Variants in SORCS2 observed in about 807,000 individuals in gnomAD.
SORCS2 encodes the protein VPS10 domain-containing receptor SorCS2.
In SORCS2, 100 loss-of-function variants were observed where a neutral mutation model predicts 141.6. The observed-to-expected ratio is 0.71, with a 90% CI of 0.60 to 0.83. SORCS2 has a LOEUF of 0.83. Among genes scored for constraint, SORCS2 ranks in the 40% least tolerant of loss-of-function variants. The pLI is 0.00. For missense variants in SORCS2, 1,646 were observed against 1,560.2 expected (o/e 1.05, Z -0.93); for synonymous variants, 789 against 676.9 (o/e 1.17, Z -2.57).
At chr4:7,526,929 T>C (rs1733730765) in intron 2 of SORCS2, among the ~76,000 whole-genome samples, 1 of 152,254 alleles carries the variant, frequency 6.6e-6, no homozygotes, top group African/African-American at 2.4e-5. Context: ...ATAAACATTA[T>C]AATGAAATAT....
intron 1 of SORCS2, among the ~76,000 whole-genome samples, chr4:7,331,125 GA>G (rs1175290970): frequency 1.3e-5 from 2 of 152,126 alleles, no homozygotes; most frequent in Admixed American, 6.5e-5. Flanking sequence ...TGGGGGTGGG[GA>G]CAGGGTGGAG....
chr4:7,309,612 C>T (rs1718053881), intron 1 of SORCS2, among the ~76,000 whole-genome samples: 1 of 152,186 alleles, frequency 6.6e-6, no homozygotes, highest in African/African-American at 2.4e-5. Context: ...GAGGTATTTT[C>T]AGCTTTTTTA....
chr4:7,496,343 G>A (rs1293082728), intron 2 of SORCS2, among the ~76,000 whole-genome samples: 5 of 152,094 alleles, frequency 3.3e-5, no homozygotes, highest in South Asian at 2.1e-4. Context: ...GAGGATTCGC[G>A]CCTGGGTCTG....
At chr4:7,247,185 C>T (rs1713153745) in intron 1 of SORCS2, among the ~76,000 whole-genome samples, 3 of 152,126 alleles carry the variant, frequency 2.0e-5, no homozygotes, top group Non-Finnish European at 2.9e-5. Flanking sequence ...GGTAGGAGCA[C>T]GGGAGTGTGG....
chr4:7,280,123 C>G (rs1438835215), intron 1 of SORCS2, among the ~76,000 whole-genome samples: 1 of 152,122 alleles, frequency 6.6e-6, no homozygotes, highest in African/African-American at 2.4e-5. Flanking sequence ...GGTGGCATGA[C>G]TCATATTTCC....
At chr4:7,522,879 T>TTCCCTCCTCCCTCTTCTCTCC (rs36231941) in intron 2 of SORCS2, among the ~76,000 whole-genome samples, 4 of 9,692 alleles carry the variant, frequency 4.1e-4, no homozygotes, top group African/African-American at 1.1e-3. Flanking sequence ...TTCTCCCCTC[T>TTCCCTCCTCCCTCTTCTCTCC]TCCCTCCTCC....
chr4:7,688,379 A>G (rs189693936), intron 10 of SORCS2, among the ~76,000 whole-genome samples: 47 of 152,322 alleles, frequency 3.1e-4, no homozygotes, highest in African/African-American at 1.1e-3. Flanking sequence ...ACCCAGTTCT[A>G]GCGTACTTCT....
intron 2 of SORCS2, among the ~76,000 whole-genome samples, chr4:7,492,573 G>C (rs1731380976): frequency 6.6e-6 from 1 of 152,182 alleles, no homozygotes; most frequent in Admixed American, 6.5e-5. Context: ...CCAGCAGTGG[G>C]ATTGCTGCAT....
chr4:7,626,181 T>A (rs1185303121), intron 3 of SORCS2, among the ~76,000 whole-genome samples: 2 of 151,938 alleles, frequency 1.3e-5, no homozygotes, highest in African/African-American at 2.4e-5. Context: ...AATAAATAAA[T>A]AAAAGTATGA....
intron 2 of SORCS2, among the ~76,000 whole-genome samples, chr4:7,405,570 T>C (rs1043269997): frequency 6.6e-6 from 1 of 152,132 alleles, no homozygotes; most frequent in African/African-American, 2.4e-5. Context: ...ACTTCCTTGG[T>C]TAAATTTATT....
At chr4:7,736,078 A>C (rs1252237049) in intron 25 of SORCS2, among the ~76,000 whole-genome samples, 1 of 152,268 alleles carries the variant, frequency 6.6e-6, no homozygotes, top group Non-Finnish European at 1.5e-5. Flanking sequence ...ACAGCAGAGC[A>C]ACGCCCGTTT....
intron 3 of SORCS2, among the ~76,000 whole-genome samples, chr4:7,614,395 C>A (rs1370924579): frequency 6.6e-6 from 1 of 151,908 alleles, no homozygotes; most frequent in Non-Finnish European, 1.5e-5. Flanking sequence ...TTCCACCATC[C>A]ACCCATCAAT....
chr4:7,697,486 C>G (rs922626035), intron 12 of SORCS2, among the ~76,000 whole-genome samples: 1 of 152,216 alleles, frequency 6.6e-6, no homozygotes, highest in African/African-American at 2.4e-5. Flanking sequence ...AGGCAGATGG[C>G]TCGGACCACC....
chr4:7,344,744 TGGGGACTGA>T (rs1468801235), intron 1 of SORCS2, among the ~76,000 whole-genome samples: 2 of 152,202 alleles, frequency 1.3e-5, no homozygotes, highest in Non-Finnish European at 2.9e-5. Flanking sequence ...GGGTTGGTTT[TGGGGACTGA>T]GGCCTAAATG....
intron 4 of SORCS2, among the ~76,000 whole-genome samples, chr4:7,647,879 C>A (rs1195235551): frequency 7.2e-5 from 11 of 152,238 alleles, no homozygotes; most frequent in Admixed American, 7.2e-4. Flanking sequence ...GTGTTCATCT[C>A]GACTCTGAAG....
chr4:7,257,601 A>C (rs1349692021), intron 1 of SORCS2, among the ~76,000 whole-genome samples: 10 of 152,076 alleles, frequency 6.6e-5, no homozygotes, highest in Admixed American at 6.5e-4. Context: ...ACTGACTGAG[A>C]GTGTGTCCTT....
chr4:7,313,239 G>C (rs926753884), intron 1 of SORCS2, among the ~76,000 whole-genome samples: 2 of 152,238 alleles, frequency 1.3e-5, no homozygotes, highest in Non-Finnish European at 2.9e-5. Flanking sequence ...TTAGCTAAAC[G>C]TGCGCTGTGG....
At chr4:7,657,319 A>C (rs975600025) in intron 5 of SORCS2, among the ~76,000 whole-genome samples, 1 of 152,262 alleles carries the variant, frequency 6.6e-6, no homozygotes, top group African/African-American at 2.4e-5. Flanking sequence ...ATGAGTGAAT[A>C]AATGAGTGAA....
At chr4:7,372,554 C>T (rs1290283261) in intron 1 of SORCS2, among the ~76,000 whole-genome samples, 1 of 152,202 alleles carries the variant, frequency 6.6e-6, no homozygotes, top group East Asian at 1.9e-4. Context: ...GTGATCCATC[C>T]ACCTGGGCCT....
Sources: allele counts gnomAD v4.1 joint callset (sites outside exome capture counted in the v4.1 genomes callset), GRCh38; gene constraint gnomAD v4.1.1; transcripts MANE v1.5; gene names NCBI Gene and HGNC (gene_info 2026-07-23, HGNC 2026-07-21).